RPS6KA2: variants seen among roughly 807,000 people sequenced by gnomAD.
The protein encoded by RPS6KA2 is ribosomal protein S6 kinase alpha-2.
A neutral mutation model predicts 91.8 loss-of-function variants in RPS6KA2; 42 were observed. The observed-to-expected ratio is 0.46, with a 90% CI of 0.36 to 0.59. The LOEUF (loss-of-function observed/expected upper bound fraction) is 0.59, where lower values mean the gene tolerates loss of function less well. RPS6KA2 is among the 20% of genes least tolerant of loss of function. The pLI is 0.00. For missense variants in RPS6KA2, 798 were observed against 978.5 expected (o/e 0.82, Z 2.46); for synonymous variants, 414 against 393.6 (o/e 1.05, Z -0.61).
rs147388117 is a variant in RPS6KA2 at position 166,859,476 on chromosome 6, A to T, written c.64-1217T>A. Among the ~76,000 whole-genome samples the T allele has an allele frequency of 3.2e-3, 494 of 152,318 alleles. 9 individuals carry two copies. In the East Asian group the frequency reaches 0.034, roughly 10 times the overall value. Reference sequence around the variant, plus strand: ...GCCAGAACATAATTCATGAAATACTACATGTTTCTTTTTCATGCTAGATTC... The same window carrying T: ...GCCAGAACATAATTCATGAAATACTTCATGTTTCTTTTTCATGCTAGATTC... On this transcript the variant is annotated intron_variant, in intron 1 of 21. Transcript: ENST00000503859.
intron 10 of RPS6KA2, among the ~76,000 whole-genome samples, chr6:166,487,308 T>A (rs952205253): frequency 2.0e-5 from 3 of 152,182 alleles, no homozygotes; most frequent in African/African-American, 7.2e-5. Context: ...GAACACCCTG[T>A]GACATCACCC....
intron 1 of RPS6KA2, among the ~76,000 whole-genome samples, chr6:166,619,790 T>G (rs1160226915): frequency 6.6e-6 from 1 of 152,264 alleles, no homozygotes; most frequent in Non-Finnish European, 1.5e-5. Context: ...GTAAAACTAT[T>G]TGGAAGCTAA....
intron 1 of RPS6KA2, among the ~76,000 whole-genome samples, chr6:166,602,147 G>A (rs115360805): frequency 2.0e-5 from 3 of 152,194 alleles, no homozygotes; most frequent in Non-Finnish European, 4.4e-5. Context: ...TGCGTGTTCC[G>A]GCCACGGTGG....
intron 2 of RPS6KA2, chr6:166,701,843 G>C: frequency 1.1e-6 from 1 of 896,274 alleles, no homozygotes; most frequent in Non-Finnish European, 1.8e-6. Flanking sequence ...ATTGCCTTTA[G>C]CTGTAATGGT....
chr6:166,473,646 A>T (rs901127702), intron 10 of RPS6KA2, among the ~76,000 whole-genome samples: 2 of 152,238 alleles, frequency 1.3e-5, no homozygotes, highest in Non-Finnish European at 2.9e-5. Context: ...GTGTCTGTAT[A>T]TCCACAGATA....
At chr6:166,846,155 C>T (rs1409857499) in intron 2 of RPS6KA2, among the ~76,000 whole-genome samples, 2 of 151,776 alleles carry the variant, frequency 1.3e-5, no homozygotes, top group East Asian at 1.9e-4. Flanking sequence ...CTAGATTAAA[C>T]CAGGAAGATA....
intron 2 of RPS6KA2, among the ~76,000 whole-genome samples, chr6:166,782,699 C>T (rs777577571): frequency 2.0e-5 from 3 of 152,150 alleles, no homozygotes; most frequent in Non-Finnish European, 4.4e-5. Flanking sequence ...TGGGAGGGAG[C>T]GGATGGCCAG....
intron 2 of RPS6KA2, among the ~76,000 whole-genome samples, chr6:166,780,342 C>T (rs2128610066): frequency 6.6e-6 from 1 of 152,266 alleles, no homozygotes; most frequent in East Asian, 1.9e-4. Flanking sequence ...GCATGGGGGA[C>T]AATGGCCACC....
chr6:166,643,975 A>G (rs12202785), intron 2 of RPS6KA2, among the ~76,000 whole-genome samples: 14 of 152,134 alleles, frequency 9.2e-5, no homozygotes, highest in Non-Finnish European at 2.1e-4. Context: ...ATCTACTTAG[A>G]ACAAATATTT....
Position 166,413,848 on chromosome 6 carries a change from G to A in RPS6KA2, c.2022C>T (p.Asn674=), listed in dbSNP as rs757779774. 6.2e-6 allele frequency: 10 copies of A among 1,614,224 alleles called. No individual in the cohort carries two copies. The South Asian group carries it at 9.9e-5, about 16-fold the overall frequency. ...MQVLKHPWVV[N]REYLSPNQLS... The stretch of plus-strand genomic sequence containing the variant: ...GCTGGTTTGGGGACAGGTACTCTCT[G>A]TTGACCACCCACGGGTGTTTGAGCA... The change falls in exon 20 of 21, where the codon AAC becomes AAT. Residue 674 remains asparagine, a synonymous_variant. Coordinates refer to ENST00000265678, the MANE Select transcript of RPS6KA2 (RefSeq NM_021135.6).
rs1318749367 is a variant in RPS6KA2 at position 166,732,871 on chromosome 6, G to T, written c.123+125329C>A. Among the ~76,000 whole-genome samples the T allele has an allele frequency of 3.3e-5, 5 of 151,666 alleles. No individual in the cohort carries two copies. The highest frequency in any genetic ancestry group is 7.3e-5 in the Non-Finnish European group (5 of 68,040). ...AACAGCCAAAGTGAAGGCTGCTCTG[G>T]TTCAAGTTGGTGTTCAAATAAAAGT... On this transcript the variant is annotated intron_variant, in intron 2 of 21. Coordinates refer to the RPS6KA2 transcript ENST00000503859. The surrounding 1 kb of genome is among the most constrained non-coding windows in gnomAD (Gnocchi z 4.0).
Position 166,413,419 on chromosome 6 carries a change from T to C in RPS6KA2, c.2076+375A>G, listed in dbSNP as rs75496895. On this transcript the variant is annotated intron_variant, in intron 20 of 20. Transcript: ENST00000265678. ...CTATTCCTGCTGGGGTGGGACAGTC[T>C]ACACTTTTCAGAAAAGGAGTCCCAC... Among the ~76,000 whole-genome samples the C allele has an allele frequency of 7.3e-3, 1,109 of 152,302 alleles. 11 individuals are homozygous for C. The highest frequency in any genetic ancestry group is 0.026 in the African/African-American group (1,068 of 41,568).
chr6:166,541,613 G>GGCTGGCTTCACGCCTTCCTCAGCA (rs1425788346), intron 1 of RPS6KA2, among the ~76,000 whole-genome samples: 4 of 152,176 alleles, frequency 2.6e-5, no homozygotes, highest in Non-Finnish European at 5.9e-5. Flanking sequence ...CCGTTTTTTA[G>GGCTGGCTTCACGCCTTCCTCAGCA]GCTGGCTTCA....
intron 1 of RPS6KA2, among the ~76,000 whole-genome samples, chr6:166,604,145 G>A (rs547759969): frequency 1.4e-4 from 22 of 152,198 alleles, no homozygotes; most frequent in Non-Finnish European, 2.9e-4. Context: ...GCAACTCTAC[G>A]TAAAATGCAT....
rs777235513 is a variant in RPS6KA2, at chr6:166,504,488, T to C, written c.566+18A>G. On this transcript the variant is annotated intron_variant, in intron 6 of 20. Transcript: ENST00000265678. The stretch of plus-strand genomic sequence containing the variant: ...CTGATGGGCGTGGGGAAGTCAGCCC[T>C]AGTTTTTTCTCACTTACTTCTCAGG... 2 of 1,506,786 alleles carry C rather than the reference T, an allele frequency of 1.3e-6. No homozygotes were observed. The highest frequency in any genetic ancestry group is 1.8e-5 in the Admixed American group (1 of 55,942). The allele number at this position is 1,506,786 out of a possible 1,614,324, so 93.3% of individuals were successfully genotyped here.
intron 2 of RPS6KA2, among the ~76,000 whole-genome samples, chr6:166,725,643 G>A (rs1002955332): frequency 2.0e-5 from 3 of 152,268 alleles, no homozygotes; most frequent in Non-Finnish European, 2.9e-5. Flanking sequence ...GGAGCTGGGT[G>A]AGCCAGTGGG....
At chr6:166,414,210 G>GT (rs1256514205) in intron 19 of RPS6KA2, among the ~76,000 whole-genome samples, 1 of 152,228 alleles carries the variant, frequency 6.6e-6, no homozygotes, top group African/African-American at 2.4e-5. Context: ...GATGATGCAT[G>GT]TAAATCGATG....
chr6:166,778,872 TG>T (rs1304964780), intron 2 of RPS6KA2, among the ~76,000 whole-genome samples: 1 of 152,238 alleles, frequency 6.6e-6, no homozygotes, highest in East Asian at 1.9e-4. Context: ...AGCGCCACGC[TG>T]CGTCTGGTGA....
intron 2 of RPS6KA2, among the ~76,000 whole-genome samples, chr6:166,682,466 G>A (rs757365451): frequency 5.3e-5 from 8 of 152,190 alleles, no homozygotes; most frequent in Non-Finnish European, 1.0e-4. Flanking sequence ...CACAGGGGAA[G>A]CATAGAGAGG....
Sources: allele counts gnomAD v4.1 joint callset (sites outside exome capture counted in the v4.1 genomes callset), GRCh38; gene constraint gnomAD v4.1.1; non-coding constraint Gnocchi (gnomAD v3.1); transcripts MANE v1.5; gene names NCBI Gene and HGNC (gene_info 2026-07-23, HGNC 2026-07-21).